EPHB2: variants seen among roughly 807,000 people sequenced by gnomAD.
EPHB2 encodes the protein ephrin type-B receptor 2.
A neutral mutation model predicts 96.4 loss-of-function variants in EPHB2; 18 were observed. That is an observed-to-expected ratio of 0.19 (90% CI 0.13 to 0.28). EPHB2 has a LOEUF of 0.28. EPHB2 is among the 10% of genes least tolerant of loss of function. The pLI, the probability that EPHB2 is intolerant of heterozygous loss-of-function variation, is 1.00. For synonymous variants in EPHB2, 506 were observed against 534.1 expected, an observed-to-expected ratio of 0.95 and a Z score of 0.72; for missense variants, 989 against 1,355.4, an observed-to-expected ratio of 0.73 and a Z score of 4.25.
Position 22,865,184 on chromosome 1 carries a change from C to T in EPHB2, c.1275C>T (p.Ala425=), listed in dbSNP as rs558506108. 1.5e-5 allele frequency: 24 copies of T among 1,614,226 alleles called. No individual in the cohort carries two copies. The South Asian group carries it at 2.1e-4, about 14-fold the overall frequency. The change falls in exon 5 of 16, where the codon GCC becomes GCT. Residue 425 remains alanine, a synonymous_variant. Transcript: ENST00000374630. ...AGAGCCCCTTCTCGCCTCAGTTCGC[C>T]TCTGTGAACATCACCACCAACCAGG... ...TDQSPFSPQF[A]SVNITTNQAA... is the part of the protein sequence containing the mutation.
intron 3 of EPHB2, among the ~76,000 whole-genome samples, chr1:22,811,765 G>A (rs1281821488): frequency 6.6e-6 from 1 of 152,386 alleles, no homozygotes; most frequent in Admixed American, 6.5e-5. Flanking sequence ...TTGGCCGGGG[G>A]CAGTGGCTCA....
At chr1:22,877,378 G>A (rs533424953) in intron 5 of EPHB2, among the ~76,000 whole-genome samples, 2 of 152,190 alleles carry the variant, frequency 1.3e-5, no homozygotes, top group South Asian at 2.1e-4. Flanking sequence ...TTAGCTGCGC[G>A]GCCTTTCCCT....
At chr1:22,774,467 A>C in intron 1 of EPHB2, 1 of 644,420 alleles carries the variant, frequency 1.6e-6, no homozygotes, top group Non-Finnish European at 1.9e-6. Context: ...CTTTGAGCTC[A>C]GTTTTGGAAG....
intron 9 of EPHB2, among the ~76,000 whole-genome samples, chr1:22,899,276 C>T (rs944757574): frequency 1.3e-5 from 2 of 149,536 alleles, no homozygotes; most frequent in East Asian, 2.0e-4. Context: ...CCAAGATGAG[C>T]GGATCACCTG....
At chr1:22,877,412 C>T (rs369650284) in intron 5 of EPHB2, among the ~76,000 whole-genome samples, 274 of 152,248 alleles carry the variant, frequency 1.8e-3, no homozygotes, top group African/African-American at 6.2e-3. Context: ...ATGGGGCATA[C>T]GGGGGTTATC....
At chr1:22,863,528 T>G (rs2148524873) in intron 4 of EPHB2, among the ~76,000 whole-genome samples, 1 of 152,310 alleles carries the variant, frequency 6.6e-6, no homozygotes. Context: ...TGCCCAGTGT[T>G]CTAACCTGGC....
In EPHB2 at chr1:22,913,956, C is replaced by T. The variant is rs1640198060; in HGVS notation, c.*386C>T. On this transcript the variant is annotated 3_prime_UTR_variant, in exon 16 of 16. Transcript: ENST00000374630. This position sits in a 1 kb window ranked among gnomAD's most constrained non-coding sequence, Gnocchi z 4.1. ...ACTCCCTCTGGGAAGGTGACCTGGCCAGAGCCAAGAAACACTTTCAGAAAA... is the reference window on the plus strand; with the variant it reads ...ACTCCCTCTGGGAAGGTGACCTGGCTAGAGCCAAGAAACACTTTCAGAAAA... 6.9e-7 allele frequency: 1 copy of T among 1,454,326 alleles called. No individual in the cohort carries two copies. The allele number at this position is 1,454,326 out of a possible 1,614,324, so 90.1% of individuals were successfully genotyped here. A position where few individuals can be genotyped will look rare whatever the true frequency, so the allele number is the denominator to read the frequency against.
chr1:22,728,836 T>C lies in EPHB2; in HGVS notation c.61+17793T>C, dbSNP rs114581126. ...CTCAGCACCTCTGTGGTCTCATCACTTGCTTCCTTAGGGGCCCTGAATTGG... is the reference window on the plus strand; with the variant it reads ...CTCAGCACCTCTGTGGTCTCATCACCTGCTTCCTTAGGGGCCCTGAATTGG... On this transcript the variant is annotated intron_variant, in intron 1 of 15. Coordinates refer to ENST00000374630, the MANE Select transcript of EPHB2 (RefSeq NM_017449.5). Among the ~76,000 whole-genome samples, 574 of 152,308 alleles carry C rather than the reference T, an allele frequency of 3.8e-3. 3 individuals are homozygous for C. Among genetic ancestry groups the C allele is most frequent in the African/African-American group, 0.013 (529 of 41,568 alleles).
intron 1 of EPHB2, among the ~76,000 whole-genome samples, chr1:22,716,630 T>A (rs1057070608): frequency 1.3e-5 from 2 of 152,230 alleles, no homozygotes; most frequent in Non-Finnish European, 2.9e-5. Context: ...TGAGCCACTG[T>A]GCCCTGCCTG....
chr1:22,839,023 A>G (rs1239022500), intron 3 of EPHB2, among the ~76,000 whole-genome samples: 1 of 152,222 alleles, frequency 6.6e-6, no homozygotes, highest in Non-Finnish European at 1.5e-5. Flanking sequence ...AGGGTCAGGT[A>G]TAATTGAGTC....
chr1:22,811,592 G>T (rs1359583031), intron 3 of EPHB2, among the ~76,000 whole-genome samples: 1 of 152,182 alleles, frequency 6.6e-6, no homozygotes, highest in East Asian at 1.9e-4. Flanking sequence ...CTCCCATCCA[G>T]GCCCCATATG....
intron 1 of EPHB2, among the ~76,000 whole-genome samples, chr1:22,750,396 G>C (rs1395629668): frequency 6.6e-6 from 1 of 152,152 alleles, no homozygotes; most frequent in East Asian, 1.9e-4. Context: ...CTGGAGTCCT[G>C]GGTCACCAGA....
intron 1 of EPHB2, among the ~76,000 whole-genome samples, chr1:22,732,817 T>C (rs1402217755): frequency 6.6e-6 from 1 of 152,158 alleles, no homozygotes; most frequent in Non-Finnish European, 1.5e-5. Context: ...ACCCATCACT[T>C]AGAGATAGGA....
At chr1:22,859,109 G>C (rs556426191) in intron 3 of EPHB2, among the ~76,000 whole-genome samples, 1 of 152,302 alleles carries the variant, frequency 6.6e-6, no homozygotes, top group African/African-American at 2.4e-5. Flanking sequence ...CTGCACTCCA[G>C]CCTGGTCAAC....
chr1:22,770,209 G>A (rs142211481), intron 1 of EPHB2, among the ~76,000 whole-genome samples: 7 of 152,266 alleles, frequency 4.6e-5, no homozygotes, highest in African/African-American at 1.2e-4. Flanking sequence ...AGGTAGGTGG[G>A]TGAGTGAGCA....
chr1:22,736,778 A>G (rs977608696), intron 1 of EPHB2, among the ~76,000 whole-genome samples: 3 of 152,126 alleles, frequency 2.0e-5, no homozygotes, highest in African/African-American at 7.2e-5. Context: ...TTCCCAGCGC[A>G]CTGTGGGGCG....
intron 3 of EPHB2, among the ~76,000 whole-genome samples, chr1:22,838,853 C>G (rs1158188173): frequency 2.6e-5 from 4 of 152,174 alleles, no homozygotes; most frequent in African/African-American, 9.6e-5. Context: ...ATGGTGTGAA[C>G]CCGGGAGGCA....
intron 1 of EPHB2, among the ~76,000 whole-genome samples, chr1:22,722,334 A>AAAATACAGTTCTG (rs1643486284): frequency 6.6e-6 from 1 of 152,212 alleles, no homozygotes; most frequent in Non-Finnish European, 1.5e-5. Flanking sequence ...ATTTTATTCT[A>AAAATACAGTTCTG]AAATACAGTT....
intron 3 of EPHB2, among the ~76,000 whole-genome samples, chr1:22,821,955 G>A (rs542010830): frequency 2.0e-5 from 3 of 152,140 alleles, no homozygotes; most frequent in Non-Finnish European, 4.4e-5. Context: ...TGGTACTTGT[G>A]GAAGGGGCAA....
Sources: gnomAD v4.1 joint callset for allele counts (sites outside exome capture counted in the v4.1 genomes callset) on GRCh38, gnomAD v4.1.1 for gene constraint, Gnocchi (gnomAD v3.1) non-coding constraint, MANE v1.5 for transcripts, NCBI Gene and HGNC (gene_info 2026-07-23, HGNC 2026-07-21) for gene names.